Variants in CRYBA4 observed in about 807,000 individuals in gnomAD.
CRYBA4 encodes the protein beta-crystallin A4.
In CRYBA4, 30 loss-of-function variants were observed where a neutral mutation model predicts 31.7. The observed-to-expected ratio is 0.95, with a 90% CI of 0.71 to 1.28. The LOEUF (loss-of-function observed/expected upper bound fraction) is 1.28. Among genes scored for constraint, CRYBA4 ranks in the 50% most tolerant of loss-of-function variants. CRYBA4 has a pLI of 0.00. For synonymous variants in CRYBA4, 102 were observed against 102.3 expected (o/e 1.00, Z 0.02); for missense variants, 225 against 260.7 (o/e 0.86, Z 0.94).
the CRYBA4 span, among the ~76,000 whole-genome samples, chr22:26,609,182 C>T: frequency 6.6e-6 from 1 of 152,172 alleles, no homozygotes; most frequent in Non-Finnish European, 1.5e-5. Context: ...CCCTGCTCTC[C>T]CCAGAAGGAG....
the CRYBA4 span, chr22:26,616,175 C>T: frequency 5.6e-6 from 9 of 1,614,082 alleles, no homozygotes; most frequent in East Asian, 4.5e-5. Flanking sequence ...GCCGCCTTGG[C>T]GCTGGTAATA....
At chr22:26,607,744 A>G in the CRYBA4 span, 1 of 1,086,040 alleles carries the variant, frequency 9.2e-7, no homozygotes, top group South Asian at 1.3e-5. Flanking sequence ...TGATGAGCTC[A>G]AGAATCCACG....
chr22:26,623,979 C>T (rs146629448), intron 3 of CRYBA4, among the ~76,000 whole-genome samples: 1,633 of 152,294 alleles, frequency 0.011, 38 homozygotes, highest in African/African-American at 0.038. Flanking sequence ...GAAAGGTAGC[C>T]AGCATGAGTA....
chr22:26,604,874 C>T, the CRYBA4 span, among the ~76,000 whole-genome samples: 1 of 152,154 alleles, frequency 6.6e-6, no homozygotes, highest in Non-Finnish European at 1.5e-5. Flanking sequence ...AATGGCTCCC[C>T]ACTGCTAGAG....
At chr22:26,615,488 C>T in the CRYBA4 span, among the ~76,000 whole-genome samples, 52 of 152,070 alleles carry the variant, frequency 3.4e-4, no homozygotes, top group African/African-American at 1.2e-3. Flanking sequence ...TTGCACAACT[C>T]AACTATAGGT....
chr22:26,611,942 T>G, the CRYBA4 span: 2 of 751,686 alleles, frequency 2.7e-6, no homozygotes, highest in South Asian at 2.8e-5. Context: ...ATATGAGGAT[T>G]GGACATAATG....
At chr22:26,615,965 A>G in the CRYBA4 span, among the ~76,000 whole-genome samples, 2 of 152,090 alleles carry the variant, frequency 1.3e-5, no homozygotes, top group South Asian at 4.2e-4. Flanking sequence ...GGGGAGGTGG[A>G]GAAGAAGAAA....
rs924838400 is a variant in CRYBA4 at position 26,623,317 on chromosome 22, C to T, written c.123C>T (p.Phe41=). The change falls in exon 3 of 6, where the codon TTC becomes TTT. Residue 41 remains phenylalanine, a synonymous_variant. Transcript: ENST00000354760. ...GCCCCAGCGTGCTGGAGCTTGGCTT[C>T]GAGACTGTGCGATCTTTGAAAGTGC... The part of the protein sequence containing the change: ...AECPSVLELG[F]ETVRSLKVLS... 3.7e-6 allele frequency: 6 copies of T among 1,613,884 alleles called. No homozygotes were observed. The East Asian group carries it at 6.7e-5, about 18-fold the overall frequency.
intron 4 of CRYBA4, among the ~76,000 whole-genome samples, chr22:26,626,498 A>T (rs1039429647): frequency 6.6e-6 from 1 of 152,274 alleles, no homozygotes. Flanking sequence ...TTAAAATGAC[A>T]TAAGTCACCA....
At chr22:26,601,815 A>C in the CRYBA4 span, 2 of 1,608,258 alleles carry the variant, frequency 1.2e-6, no homozygotes, top group Admixed American at 3.3e-5. Flanking sequence ...CTGTAAGGGG[A>C]GCAGCCTCTG....
chr22:26,625,661 C>T (rs1261298297), intron 4 of CRYBA4, 39 bp downstream of exon 4: 1 of 1,607,042 alleles, frequency 6.2e-7, no homozygotes, highest in African/African-American at 1.3e-5. Context: ...GAGGCCCAAG[C>T]CCCTCATGTG....
At position 26,626,440 on chromosome 22, in the gene CRYBA4, C is replaced by T. The variant is rs556912984; in HGVS notation, c.300+818C>T. On this transcript the variant is annotated intron_variant, in intron 4 of 5. Coordinates refer to ENST00000354760, the MANE Select transcript of CRYBA4 (RefSeq NM_001886.3). ...AAACAAAAAAACAAAAACAAACAAA[C>T]AAACACAAAAACAACAAAGTGTGTT... Among the ~76,000 whole-genome samples the T allele has an allele frequency of 5.3e-5, 8 of 152,234 alleles. 1 individual carries two copies. The highest frequency in any genetic ancestry group is 1.7e-4 in the African/African-American group (7 of 41,544).
the CRYBA4 span, among the ~76,000 whole-genome samples, chr22:26,610,240 C>T: frequency 6.6e-6 from 1 of 152,156 alleles, no homozygotes; most frequent in Non-Finnish European, 1.5e-5. Context: ...GTTAAGTCCC[C>T]AGCCTAAGGT....
the CRYBA4 span, chr22:26,612,116 G>T: frequency 6.2e-7 from 1 of 1,613,930 alleles, no homozygotes; most frequent in South Asian, 1.1e-5. Flanking sequence ...CGAAGCCACG[G>T]TCTGCCAGAT....
At chr22:26,613,043 C>T in the CRYBA4 span, among the ~76,000 whole-genome samples, 3 of 152,192 alleles carry the variant, frequency 2.0e-5, no homozygotes, top group African/African-American at 7.2e-5. Context: ...AGGACTCCTC[C>T]AGGGCAGGGC....
At chr22:26,624,630 A>C (rs1029058636) in intron 3 of CRYBA4, among the ~76,000 whole-genome samples, 14 of 152,170 alleles carry the variant, frequency 9.2e-5, no homozygotes, top group African/African-American at 2.7e-4. Context: ...ATGGGAACAG[A>C]GGCTTTCTAG....
chr22:26,616,996 T>C (rs921066164), upstream of CRYBA4, among the ~76,000 whole-genome samples: 4 of 152,266 alleles, frequency 2.6e-5, no homozygotes, highest in Admixed American at 6.5e-5. Flanking sequence ...ACATAGGAGA[T>C]GCCCAATTAA....
chr22:26,626,408 CAAAACAAAACAAA>C (rs1929706127), intron 4 of CRYBA4, among the ~76,000 whole-genome samples: 1 of 151,392 alleles, frequency 6.6e-6, no homozygotes. Context: ...TGTCTCAAAA[CAAAACAAAACAAA>C]AAAACAAAAA....
the CRYBA4 span, chr22:26,599,590 C>T: frequency 7.4e-6 from 12 of 1,614,146 alleles, no homozygotes; most frequent in Non-Finnish European, 8.5e-6. Context: ...CTGGAAGGCT[C>T]CCCACTCATT....
Sources: gnomAD v4.1 joint callset for allele counts (sites outside exome capture counted in the v4.1 genomes callset) on GRCh38, gnomAD v4.1.1 for gene constraint, MANE v1.5 for transcripts, NCBI Gene and HGNC (gene_info 2026-07-23, HGNC 2026-07-21) for gene names.